Variants in CACHD1 observed in about 807,000 individuals in gnomAD.
The protein encoded by CACHD1 is cache domain containing 1.
Under a neutral mutation model 138.7 loss-of-function variants are expected in CACHD1, and 71 were observed. The ratio of observed to expected loss-of-function variants is 0.51; its 90% CI spans 0.42 to 0.62. CACHD1 has a LOEUF of 0.62. CACHD1 is among the 20% of genes least tolerant of loss of function. CACHD1 has a pLI of 0.00. For missense variants in CACHD1, 1,389 were observed against 1,625.3 expected (o/e 0.85, Z 2.50); for synonymous variants, 578 against 591.5 (o/e 0.98, Z 0.33).
chr1:64,686,153 G>A (rs1039564644), intron 26 of CACHD1, among the ~76,000 whole-genome samples: 9 of 152,142 alleles, frequency 5.9e-5, no homozygotes, highest in African/African-American at 2.2e-4. Context: ...CCCTTGAACT[G>A]GTAGGATTGT....
intron 4 of CACHD1, among the ~76,000 whole-genome samples, chr1:64,610,701 G>A (rs1570414980): frequency 2.0e-5 from 3 of 152,322 alleles, no homozygotes; most frequent in Admixed American, 1.3e-4. Context: ...AGCCTTGAGT[G>A]TTTGCAGCTT....
intron 8 of CACHD1, among the ~76,000 whole-genome samples, chr1:64,642,931 C>T (rs1481525332): frequency 4.0e-5 from 6 of 150,674 alleles, no homozygotes; most frequent in African/African-American, 7.3e-5. Context: ...CCCAGCTACT[C>T]GGGAGGTTGA....
At chr1:64,591,762 A>T (rs1647108466) in intron 3 of CACHD1, among the ~76,000 whole-genome samples, 1 of 152,210 alleles carries the variant, frequency 6.6e-6, no homozygotes. Context: ...GTTGGCTCCT[A>T]CTTCTTGAGT....
intron 1 of CACHD1, among the ~76,000 whole-genome samples, chr1:64,482,988 C>T (rs1407838634): frequency 6.6e-6 from 1 of 152,158 alleles, no homozygotes; most frequent in African/African-American, 2.4e-5. Context: ...CCCAGCAGCC[C>T]TTAAATGGTA....
chr1:64,511,472 A>G (rs963610221), intron 1 of CACHD1, among the ~76,000 whole-genome samples: 6 of 152,312 alleles, frequency 3.9e-5, no homozygotes, highest in African/African-American at 1.4e-4. Context: ...CAGGTTCCAG[A>G]GAGAGGTTAT....
At chr1:64,624,287 G>A (rs1648022454) in intron 4 of CACHD1, among the ~76,000 whole-genome samples, 1 of 152,182 alleles carries the variant, frequency 6.6e-6, no homozygotes, top group Admixed American at 6.5e-5. Flanking sequence ...ATGATCTTTT[G>A]TGGTGAGACT....
chr1:64,482,190 C>T (rs534369287), intron 1 of CACHD1, among the ~76,000 whole-genome samples: 2 of 152,016 alleles, frequency 1.3e-5, no homozygotes, highest in Non-Finnish European at 2.9e-5. Context: ...TGTAGAAAGA[C>T]CTGTTGGGTT....
At chr1:64,489,479 T>A (rs1646261681) in intron 1 of CACHD1, among the ~76,000 whole-genome samples, 1 of 152,192 alleles carries the variant, frequency 6.6e-6, no homozygotes, top group African/African-American at 2.4e-5. Flanking sequence ...GAGTCTGTTG[T>A]CTGGAACAAC....
intron 2 of CACHD1, among the ~76,000 whole-genome samples, chr1:64,569,367 C>T (rs1453349257): frequency 6.6e-6 from 1 of 152,214 alleles, no homozygotes; most frequent in African/African-American, 2.4e-5. Context: ...CACCACCACA[C>T]ACATTTAAGT....
At chr1:64,477,622 TTA>T (rs1553125582) in intron 1 of CACHD1, among the ~76,000 whole-genome samples, 1 of 134,054 alleles carries the variant, frequency 7.5e-6, no homozygotes, top group South Asian at 2.3e-4. Flanking sequence ...ATTATTATTA[TTA>T]TTTTATTTTA....
intron 4 of CACHD1, among the ~76,000 whole-genome samples, chr1:64,609,866 C>T (rs1232025870): frequency 6.6e-6 from 1 of 151,984 alleles, no homozygotes; most frequent in Non-Finnish European, 1.5e-5. Context: ...TTGTATTAGT[C>T]CACTCTCTTG....
chr1:64,501,041 C>T (rs1470227230), intron 1 of CACHD1, among the ~76,000 whole-genome samples: 2 of 144,874 alleles, frequency 1.4e-5, no homozygotes, highest in East Asian at 2.0e-4. Context: ...GAGTGAGATT[C>T]TGTCTCAAAA....
chr1:64,559,190 G>A (rs1251942943), intron 2 of CACHD1, among the ~76,000 whole-genome samples: 1 of 152,168 alleles, frequency 6.6e-6, no homozygotes, highest in African/African-American at 2.4e-5. Context: ...AAAGACACAT[G>A]TGTGCGAATG....
intron 2 of CACHD1, among the ~76,000 whole-genome samples, chr1:64,553,229 T>C (rs1361101708): frequency 6.6e-6 from 1 of 152,240 alleles, no homozygotes; most frequent in African/African-American, 2.4e-5. Flanking sequence ...TTGCTATCAC[T>C]TCATTATGAT....
intron 2 of CACHD1, among the ~76,000 whole-genome samples, chr1:64,564,119 C>G (rs1387869605): frequency 1.3e-5 from 2 of 152,194 alleles, no homozygotes; most frequent in East Asian, 3.9e-4. Context: ...AGCCTTTTCT[C>G]TGAGCTCCTC....
intron 1 of CACHD1, among the ~76,000 whole-genome samples, chr1:64,507,441 A>G (rs17126593): frequency 0.071 from 10,855 of 152,272 alleles, 846 homozygotes; most frequent in African/African-American, 0.2. Context: ...TGCCTGGTTA[A>G]TGTTGAGATG....
intron 1 of CACHD1, among the ~76,000 whole-genome samples, chr1:64,479,197 G>A (rs1218329413): frequency 6.6e-6 from 1 of 152,208 alleles, no homozygotes; most frequent in East Asian, 1.9e-4. Context: ...ATTGCTTTGA[G>A]ATATGAGCTT....
At chr1:64,529,819 G>C (rs888248354) in intron 1 of CACHD1, among the ~76,000 whole-genome samples, 1 of 152,212 alleles carries the variant, frequency 6.6e-6, no homozygotes, top group Non-Finnish European at 1.5e-5. Flanking sequence ...TACAGGCCCA[G>C]ATCAGATCAA....
chr1:64,501,219 G>A (rs930790597), intron 1 of CACHD1, among the ~76,000 whole-genome samples: 4 of 152,120 alleles, frequency 2.6e-5, no homozygotes, highest in Non-Finnish European at 4.4e-5. Flanking sequence ...AGAGGAAAGT[G>A]CAATGAACTT....
Sources: allele counts gnomAD v4.1 joint callset (sites outside exome capture counted in the v4.1 genomes callset), GRCh38; gene constraint gnomAD v4.1.1; transcripts MANE v1.5; gene names NCBI Gene and HGNC (gene_info 2026-07-23, HGNC 2026-07-21).